The following CDHR2 variants were observed in gnomAD, a reference collection of about 807,000 sequenced individuals.
CDHR2 encodes the protein cadherin-related family member 2.
In CDHR2, 104 loss-of-function variants were observed where a neutral mutation model predicts 138.6. That is an observed-to-expected ratio of 0.75 (90% CI 0.64 to 0.88). The LOEUF (loss-of-function observed/expected upper bound fraction) is 0.88, where lower values mean the gene tolerates loss of function less well. Ranked by LOEUF, CDHR2 falls within the 40% of genes least tolerant of loss-of-function variation. The pLI is 0.00. For synonymous variants in CDHR2, 755 were observed against 742.8 expected (o/e 1.02, Z -0.27); for missense variants, 1,624 against 1,727.6 (o/e 0.94, Z 1.06).
Position 176,584,757 on chromosome 5 carries a change from G to A in CDHR2, c.2476G>A (p.Gly826Ser), listed in dbSNP as rs762232802. Residue 826 changes from glycine to serine, a missense_variant, in exon 19 of 32, where the codon GGC (glycine) becomes AGC (serine). Coordinates refer to ENST00000261944, the MANE Select transcript of CDHR2 (RefSeq NM_017675.6). ...IRVAENGSQHGQVAVVVASDV... is the reference protein window; with the variant it reads ...IRVAENGSQHSQVAVVVASDV... Reference sequence around the variant, plus strand: ...TGTGGCTGAGAATGGCTCACAGCACGGCCAGGTGGCTGTGGTGGTTGCCTC... The same window carrying A: ...TGTGGCTGAGAATGGCTCACAGCACAGCCAGGTGGCTGTGGTGGTTGCCTC... 3.7e-5 allele frequency: 60 copies of A among 1,614,052 alleles called. No homozygotes were observed. Among genetic ancestry groups the A allele is most frequent in the Middle Eastern group, 1.6e-4 (1 of 6,084 alleles).
Position 176,572,707 on chromosome 5 carries a change from G to A in CDHR2, c.406-1376G>A, listed in dbSNP as rs147666910. Among the ~76,000 whole-genome samples the A allele has an allele frequency of 3.7e-3, 559 of 152,324 alleles. 5 individuals carry two copies. Among genetic ancestry groups the A allele is most frequent in the African/African-American group, 0.013 (544 of 41,576 alleles). On this transcript the variant is annotated intron_variant, in intron 6 of 31. Transcript: ENST00000261944. The stretch of plus-strand genomic sequence containing the variant: ...ATACCACCACTCCTGAACTTCCGTT[G>A]CCATGTGCCTGCAAAGACCTTCCAG...
rs199841895 is a variant in CDHR2 at position 176,577,400 on chromosome 5, G to A, written c.1196G>A (p.Gly399Asp). Residue 399 changes from glycine (G) to aspartate (D), a missense_variant and splice_region_variant, in exon 13 of 32, where the codon GGC (glycine) becomes GAC (aspartate). Gly to Asp is a moderately conservative substitution (Grantham distance 94, BLOSUM62 -1). Coordinates refer to ENST00000261944, the MANE Select transcript of CDHR2 (RefSeq NM_017675.6). Reference sequence around the variant, plus strand: ...CTGCTAGACAGCCCACCTTTACAGGGCAGCAATGGCACCTTCCTGTTGTCG... The same window carrying A: ...CTGCTAGACAGCCCACCTTTACAGGACAGCAATGGCACCTTCCTGTTGTCG... ...LTMVVYDPDK[G>D]SNGTFLLSLG... is the part of the protein sequence containing the mutation. The A allele has an allele frequency of 1.0e-4, 162 of 1,606,614 alleles. 1 individual carries two copies. The highest frequency in any genetic ancestry group is 1.7e-4 in the Middle Eastern group (1 of 6,016).
chr5:176,591,608 AGTG>A (rs1166868240), intron 30 of CDHR2, 124 bp downstream of exon 30: 8 of 735,880 alleles, frequency 1.1e-5, no homozygotes, highest in Admixed American at 2.1e-5. Flanking sequence ...TCATGGTAGT[AGTG>A]GTAGTTATGG....
chr5:176,560,373 G>A (rs948296345), intron 1 of CDHR2, among the ~76,000 whole-genome samples: 2 of 151,870 alleles, frequency 1.3e-5, no homozygotes, highest in South Asian at 2.1e-4. Context: ...TCCAGCCTGG[G>A]CGACAGGAGT....
chr5:176,551,870 ATTT>A (rs11312647), intron 1 of CDHR2, among the ~76,000 whole-genome samples: 19,931 of 97,266 alleles, frequency 0.2, 1,934 homozygotes, highest in African/African-American at 0.29. Flanking sequence ...CCTGGCTAAT[ATTT>A]TTTTTTTTTT....
Position 176,584,538 on chromosome 5 carries a change from T to G in CDHR2, c.2257T>G (p.Trp753Gly), listed in dbSNP as rs1186954944. 6.2e-7 allele frequency: 1 copy of G among 1,613,158 alleles called. No individual in the cohort carries two copies. The highest frequency in any genetic ancestry group is 1.3e-5 in the African/African-American group (1 of 74,986). ...MIRGLVLGAG[W>G]AEGYLRLPPD... is the part of the protein sequence containing the mutation. ...CCGAGGCTTGGTGCTGGGGGCTGGG[T>G]GGGCTGAGGGCTACCTCCGGCTGCC... The change falls in exon 19 of 32, where the codon TGG becomes GGG. Residue 753 changes from tryptophan to glycine, a missense_variant. Trp to Gly is a radical substitution (Grantham distance 184). Coordinates refer to ENST00000261944, the MANE Select transcript of CDHR2 (RefSeq NM_017675.6).
chr5:176,577,293 G>A (rs1401016074), intron 12 of CDHR2, 106 bp from the exon 13 acceptor site: 4 of 1,237,370 alleles, frequency 3.2e-6, no homozygotes, highest in Non-Finnish European at 3.4e-6. Flanking sequence ...CCTTCCATGG[G>A]ACCTCATCGG....
intron 26 of CDHR2, 38 bp downstream of exon 26, chr5:176,590,368 G>A (rs1254429780): frequency 1.9e-6 from 3 of 1,614,096 alleles, no homozygotes; most frequent in Non-Finnish European, 2.5e-6. Context: ...GTGAGGGTGA[G>A]CAGGAAGCCT....
chr5:176,557,233 T>C (rs1289079578), intron 1 of CDHR2, among the ~76,000 whole-genome samples: 1 of 150,786 alleles, frequency 6.6e-6, no homozygotes, highest in East Asian at 2.0e-4. Flanking sequence ...TGAGACAGGA[T>C]CTCACTCTGT....
At chr5:176,562,335 T>C (rs1051771978) in intron 1 of CDHR2, among the ~76,000 whole-genome samples, 3 of 142,358 alleles carry the variant, frequency 2.1e-5, no homozygotes, top group Non-Finnish European at 3.1e-5. Flanking sequence ...TGCAGGCTGA[T>C]TAGAGAGAAA....
intron 3 of CDHR2, chr5:176,567,020 A>G (rs137963967): frequency 2.3e-4 from 103 of 456,298 alleles, no homozygotes; most frequent in African/African-American, 1.5e-3. Context: ...ACAAATACAA[A>G]ACCTGTGCAA....
rs371587588 is a variant in CDHR2, at chr5:176,578,400, C to T, written c.1610C>T (p.Thr537Met). Reference sequence around the variant, plus strand: ...TTCCAAGTGGATCCCGTCTCAGGGACGGTGACGGTGAGGAACGGTGAGCTG... The same window carrying T: ...TTCCAAGTGGATCCCGTCTCAGGGATGGTGACGGTGAGGAACGGTGAGCTG... ...DLFQVDPVSG[T>M]VTVRNGELLD... The change falls in exon 16 of 32, where the codon ACG becomes ATG. Residue 537 changes from threonine to methionine, a missense_variant. Thr to Met is a moderately conservative substitution (Grantham distance 81, BLOSUM62 -1). Coordinates refer to ENST00000261944, the MANE Select transcript of CDHR2 (RefSeq NM_017675.6). 1.3e-5 allele frequency: 21 copies of T among 1,613,890 alleles called. No individual in the cohort carries two copies. Among genetic ancestry groups the T allele is most frequent in the Non-Finnish European group, 1.5e-5 (18 of 1,179,938 alleles).
At chr5:176,586,921 T>G in intron 21 of CDHR2, 79 bp downstream of exon 21, 1 of 1,238,486 alleles carries the variant, frequency 8.1e-7, no homozygotes, top group East Asian at 2.5e-5. Context: ...CCTTCCATGG[T>G]AGAAAGAAAA....
At chr5:176,573,607 C>T (rs1330385395) in intron 6 of CDHR2, among the ~76,000 whole-genome samples, 1 of 151,764 alleles carries the variant, frequency 6.6e-6, no homozygotes, top group Non-Finnish European at 1.5e-5. Flanking sequence ...AGATCGTGCC[C>T]CTTCACTCCA....
intron 30 of CDHR2, among the ~76,000 whole-genome samples, chr5:176,592,457 T>G (rs1758905601): frequency 6.8e-6 from 1 of 147,852 alleles, no homozygotes; most frequent in Non-Finnish European, 1.5e-5. Flanking sequence ...ATGACGGTGG[T>G]GGTGGTGGTG....
upstream of CDHR2, among the ~76,000 whole-genome samples, chr5:176,548,024 C>G (rs1757622280): frequency 6.6e-6 from 1 of 152,148 alleles, no homozygotes; most frequent in Non-Finnish European, 1.5e-5. Context: ...GCGGTACCAC[C>G]TACTACACAC....
chr5:176,549,785 C>T (rs1027614884), intron 1 of CDHR2, among the ~76,000 whole-genome samples: 2 of 152,168 alleles, frequency 1.3e-5, no homozygotes, highest in African/African-American at 4.8e-5. Flanking sequence ...TGGGCTCTTA[C>T]CCCAGCTGCT....
chr5:176,572,278 C>T (rs1161338814), intron 6 of CDHR2, among the ~76,000 whole-genome samples: 1 of 151,564 alleles, frequency 6.6e-6, no homozygotes, highest in Non-Finnish European at 1.5e-5. Context: ...ATCCCAGCTA[C>T]TCAGGAGGCT....
chr5:176,590,442 A>T lies in CDHR2; in HGVS notation c.3371A>T (p.Gln1124Leu), dbSNP rs149163439. The change falls in exon 27 of 32, where the codon CAG becomes CTG. Residue 1124 changes from glutamine (Q) to leucine (L), a missense_variant. Gln to Leu is a moderately radical substitution (Grantham distance 113, BLOSUM62 -2). Transcript: ENST00000261944. ...DELSVMIRND[Q>L]DSLTQLLQLG... ...GTGGCCAGGATGATCCGGAATGATC[A>T]GGACTCGCTGACGCAGCTGCTGCAG... 1.1e-5 allele frequency: 18 copies of T among 1,613,958 alleles called. No homozygotes were observed. The highest frequency in any genetic ancestry group is 1.4e-5 in the Non-Finnish European group (17 of 1,179,974).
Sources: allele counts gnomAD v4.1 joint callset (sites outside exome capture counted in the v4.1 genomes callset), GRCh38; gene constraint gnomAD v4.1.1; transcripts MANE v1.5; gene names NCBI Gene and HGNC (gene_info 2026-07-23, HGNC 2026-07-21).